The following PTPRZ1 variants were observed in gnomAD, a reference collection of about 807,000 sequenced individuals.
The protein encoded by PTPRZ1 is receptor-type tyrosine-protein phosphatase zeta.
PTPRZ1 carries 82 observed loss-of-function variants against 214.1 expected under a neutral mutation model. The ratio of observed to expected loss-of-function variants is 0.38; its 90% CI spans 0.32 to 0.46. The LOEUF (loss-of-function observed/expected upper bound fraction) is 0.46. Among genes scored for constraint, PTPRZ1 ranks in the 20% least tolerant of loss-of-function variants. The pLI is 1.00. For missense variants in PTPRZ1, 2,603 were observed against 2,748.7 expected (o/e 0.95, Z 1.19); for synonymous variants, 945 against 987.9 (o/e 0.96, Z 0.81).
chr7:122,013,654 A>G lies in PTPRZ1; in HGVS notation c.4608A>G (p.Glu1536=), dbSNP rs771773866. The G allele has an allele frequency of 2.5e-6, 4 of 1,614,120 alleles. No individual in the cohort carries two copies. The highest frequency in any genetic ancestry group is 2.2e-5 in the East Asian group (1 of 44,902). ...TGSALLPLSP[E]SKAWAVLTSD... Reference sequence around the variant, plus strand: ...GTGCTCTGCTTCCTCTCAGCCCTGAATCTAAAGCATGGGCAGTTCTGACAA... The same window carrying G: ...GTGCTCTGCTTCCTCTCAGCCCTGAGTCTAAAGCATGGGCAGTTCTGACAA... Residue 1536 remains glutamate, a synonymous_variant, in exon 12 of 30, where the codon GAA becomes GAG. Coordinates refer to ENST00000393386, the MANE Select transcript of PTPRZ1 (RefSeq NM_002851.3).
chr7:122,038,866 A>G lies in PTPRZ1; in HGVS notation c.5479A>G (p.Thr1827Ala), dbSNP rs1159689261. 2 of 1,613,960 alleles carry G rather than the reference A, an allele frequency of 1.2e-6. No homozygotes were observed. The highest frequency in any genetic ancestry group is 1.7e-6 in the Non-Finnish European group (2 of 1,179,916). Residue 1827 changes from threonine to alanine, a missense_variant, in exon 19 of 30, where the codon ACA becomes GCA. Physicochemically the swap from Thr to Ala is moderately conservative, Grantham distance 58. Coordinates refer to ENST00000393386, the MANE Select transcript of PTPRZ1 (RefSeq NM_002851.3). The part of the protein sequence containing the change: ...EHNVEVIVMI[T>A]NLVEKGRRKC... ...TAATGTGGAAGTTATTGTCATGATA[A>G]CAAACCTCGTGGAGAAAGGAAGGGT...
chr7:121,954,033 C>G (rs976209839), intron 2 of PTPRZ1, among the ~76,000 whole-genome samples: 2 of 152,166 alleles, frequency 1.3e-5, no homozygotes, highest in African/African-American at 4.8e-5. Flanking sequence ...ATCAACTAAC[C>G]AGTTCTGAAT....
Position 122,059,886 on chromosome 7 carries a change from A to G in PTPRZ1, c.6805A>G (p.Ile2269Val). Reference sequence around the variant, plus strand: ...GATGAGGCCAGGAGTCTTTGCTGACATTGTAAGTAACAAGGCAGTGAACGA... The same window carrying G: ...GATGAGGCCAGGAGTCTTTGCTGACGTTGTAAGTAACAAGGCAGTGAACGA... ...NLMRPGVFAD[I>V]EQYQFLYKVI... The change falls in exon 29 of 30, where the codon ATT (isoleucine) becomes GTT (valine). Residue 2269 changes from isoleucine (I) to valine (V), a missense_variant and splice_region_variant. This residue lies in a region of PTPRZ1 where 165 missense variants were observed against 151.4 expected (regional missense o/e 1.09). Transcript: ENST00000393386. 1.9e-6 allele frequency: 3 copies of G among 1,608,814 alleles called. No homozygotes were observed. Among genetic ancestry groups the G allele is most frequent in the Non-Finnish European group, 2.5e-6 (3 of 1,178,352 alleles).
Position 121,877,195 on chromosome 7 carries a change from CA to C in PTPRZ1, c.58+3639del, listed in dbSNP as rs372396086. ...CTTTGATATTGGTGTTTTCATCTTA[CA>C]CCTTTTACAAATGAGGGAACCCGGC... On this transcript the variant is annotated intron_variant, in intron 1 of 29. Coordinates refer to ENST00000393386, the MANE Select transcript of PTPRZ1 (RefSeq NM_002851.3). 6.3e-3 allele frequency among the ~76,000 whole-genome samples: 961 copies of C among 152,202 alleles called. 6 individuals carry two copies. Among genetic ancestry groups the C allele is most frequent in the South Asian group, 0.032 (154 of 4,826 alleles).
chr7:121,943,710 A>T (rs1283650108), intron 2 of PTPRZ1, among the ~76,000 whole-genome samples: 1 of 152,196 alleles, frequency 6.6e-6, no homozygotes. Context: ...GCTTACTGAA[A>T]AAAGATTACT....
intron 2 of PTPRZ1, among the ~76,000 whole-genome samples, chr7:121,932,722 G>A (rs542407088): frequency 6.6e-6 from 1 of 152,138 alleles, no homozygotes; most frequent in African/African-American, 2.4e-5. Context: ...TTATTTAAAT[G>A]CAATCACTTG....
At chr7:121,951,740 C>T (rs1474495197) in intron 2 of PTPRZ1, among the ~76,000 whole-genome samples, 1 of 152,190 alleles carries the variant, frequency 6.6e-6, no homozygotes, top group African/African-American at 2.4e-5. Flanking sequence ...TGTGACTTCT[C>T]AGGGGTTTTC....
At position 122,034,301 on chromosome 7, in the gene PTPRZ1, T is replaced by C; in HGVS notation, c.5207T>C (p.Val1736Ala). 1 of 1,613,412 alleles carries C rather than the reference T, an allele frequency of 6.2e-7. No homozygotes were observed. Among genetic ancestry groups the C allele is most frequent in the Non-Finnish European group, 8.5e-7 (1 of 1,179,608 alleles). Residue 1736 changes from valine (V) to alanine (A), a missense_variant, in exon 17 of 30, where the codon GTT becomes GCT. By Grantham distance (64) the Val-to-Ala change is moderately conservative. Transcript: ENST00000393386. Reference protein sequence around the residue: ...EFYQEVQSCTVDLGITADSSN... With the variant: ...EFYQEVQSCTADLGITADSSN... ...TTACAGGAAGTGCAGAGCTGTACTG[T>C]TGACTTAGGTATTACAGCAGACAGC...
At chr7:121,943,884 G>T (rs1423932815) in intron 2 of PTPRZ1, among the ~76,000 whole-genome samples, 8 of 152,154 alleles carry the variant, frequency 5.3e-5, no homozygotes, top group Admixed American at 2.0e-4. Context: ...TTAATTTGGG[G>T]AATGAATGAA....
intron 2 of PTPRZ1, among the ~76,000 whole-genome samples, chr7:121,937,031 T>C (rs1470375418): frequency 2.0e-5 from 3 of 152,226 alleles, no homozygotes; most frequent in Non-Finnish European, 2.9e-5. Flanking sequence ...CAGAGGATCT[T>C]GGAGATCGTC....
rs1387072489 is a variant in PTPRZ1, at chr7:122,040,872, G to A, written c.5694G>A (p.Gln1898=). Residue 1898 remains glutamine, a synonymous_variant, in exon 21 of 30, where the codon CAG becomes CAA. Transcript: ENST00000393386. ...GRVVTQYHYT[Q]WPDMGVPEYS... ...TGGTCACACAGTATCACTACACGCAGTGGCCTGACATGGGAGTACCAGAGT... is the reference window on the plus strand; with the variant it reads ...TGGTCACACAGTATCACTACACGCAATGGCCTGACATGGGAGTACCAGAGT... 1 of 1,606,482 alleles carries A rather than the reference G, an allele frequency of 6.2e-7. No individual in the cohort carries two copies. Among genetic ancestry groups the A allele is most frequent in the South Asian group, 1.1e-5 (1 of 90,702 alleles).
intron 1 of PTPRZ1, among the ~76,000 whole-genome samples, chr7:121,913,438 A>G (rs1795334646): frequency 6.6e-6 from 1 of 152,242 alleles, no homozygotes; most frequent in African/African-American, 2.4e-5. Flanking sequence ...GAAGCTTTGC[A>G]TTAGGGGAAG....
intron 1 of PTPRZ1, among the ~76,000 whole-genome samples, chr7:121,920,923 A>T (rs912204525): frequency 8.5e-5 from 13 of 152,080 alleles, no homozygotes; most frequent in African/African-American, 3.1e-4. Context: ...AGGTTACCAA[A>T]CAGTGTCATT....
At chr7:121,914,912 C>T (rs749487054) in intron 1 of PTPRZ1, among the ~76,000 whole-genome samples, 33 of 152,190 alleles carry the variant, frequency 2.2e-4, no homozygotes, top group Non-Finnish European at 4.7e-4. Context: ...CCAAGGTTTT[C>T]TTGTTACGTC....
At chr7:121,972,105 A>G (rs982306298) in intron 3 of PTPRZ1, among the ~76,000 whole-genome samples, 3 of 152,168 alleles carry the variant, frequency 2.0e-5, no homozygotes, top group Admixed American at 1.3e-4. Context: ...GCAGCCTGAT[A>G]AGGAGTAGAA....
chr7:122,010,900 A>G lies in PTPRZ1; in HGVS notation c.1854A>G (p.Thr618=). Residue 618 remains threonine (T), a synonymous_variant, in exon 12 of 30, where the codon ACA becomes ACG. Transcript: ENST00000393386. The part of the protein sequence containing the change: ...IFSSENPETI[T]YDVLIPESAR... Reference sequence around the variant, plus strand: ...CCTCCGAAAACCCAGAGACAATAACATATGATGTCCTTATACCAGAATCTG... The same window carrying G: ...CCTCCGAAAACCCAGAGACAATAACGTATGATGTCCTTATACCAGAATCTG... 4 of 1,614,064 alleles carry G rather than the reference A, an allele frequency of 2.5e-6. No homozygotes were observed. In the South Asian group the frequency reaches 3.3e-5, roughly 13 times the overall value.
chr7:121,930,757 A>G (rs1178680934), intron 2 of PTPRZ1, among the ~76,000 whole-genome samples: 1 of 152,132 alleles, frequency 6.6e-6, no homozygotes, highest in Non-Finnish European at 1.5e-5. Flanking sequence ...TTATAATTTT[A>G]TATACTTTAT....
At chr7:122,039,642 T>C in intron 20 of PTPRZ1, 54 bp downstream of exon 20, 1 of 1,585,834 alleles carries the variant, frequency 6.3e-7, no homozygotes. Flanking sequence ...TTGGTCATTT[T>C]TTAAGTGAAT....
In PTPRZ1 at chr7:121,992,740, T is replaced by G. The variant is rs924543318; in HGVS notation, c.929-3642T>G. Among the ~76,000 whole-genome samples the G allele has an allele frequency of 1.7e-4, 11 of 64,354 alleles. No homozygotes were observed. In the Admixed American group the frequency reaches 2.2e-3, roughly 13 times the overall value. 42.2% of individuals were successfully genotyped at this position (64,354 alleles called of 152,430 possible). Reference sequence around the variant, plus strand: ...GAGCATCCTAAAGGCTGAGACACTATCTTCTTCTTCTGTATGTCTAGAGTG... The same window carrying G: ...GAGCATCCTAAAGGCTGAGACACTAGCTTCTTCTTCTGTATGTCTAGAGTG... On this transcript the variant is annotated intron_variant, in intron 8 of 29. Transcript: ENST00000393386.
Sources: allele counts gnomAD v4.1 joint callset (sites outside exome capture counted in the v4.1 genomes callset), GRCh38; gene constraint gnomAD v4.1.1; regional missense constraint gnomAD v4.1.1; transcripts MANE v1.5; gene names NCBI Gene and HGNC (gene_info 2026-07-23, HGNC 2026-07-21).